The following TAB1 variants were observed in gnomAD, a reference collection of about 807,000 sequenced individuals.
TAB1 encodes TGF-beta-activated kinase 1 and MAP3K7-binding protein 1.
A neutral mutation model predicts 54.5 loss-of-function variants in TAB1; 30 were observed. The ratio of observed to expected loss-of-function variants is 0.55; its 90% CI spans 0.41 to 0.75. The LOEUF is 0.75. Among genes scored for constraint, TAB1 ranks in the 30% least tolerant of loss-of-function variants. TAB1 has a pLI of 0.00. For synonymous variants in TAB1, 289 were observed against 286.9 expected, an observed-to-expected ratio of 1.01 and a Z score of -0.07; for missense variants, 609 against 683.2, an observed-to-expected ratio of 0.89 and a Z score of 1.21.
At chr22:39,403,828 T>C (rs1008006505) in intron 1 of TAB1, among the ~76,000 whole-genome samples, 4 of 151,724 alleles carry the variant, frequency 2.6e-5, no homozygotes, top group African/African-American at 7.3e-5. Context: ...TTTTTTTTAG[T>C]AGAGACGGGG....
chr22:39,404,316 G>T (rs1319991264), intron 1 of TAB1, among the ~76,000 whole-genome samples: 1 of 152,178 alleles, frequency 6.6e-6, no homozygotes, highest in Non-Finnish European at 1.5e-5. Flanking sequence ...AGGCATGGTG[G>T]CTCATGCCTG....
chr22:39,416,067 G>T (rs60181054), intron 3 of TAB1, among the ~76,000 whole-genome samples: 2 of 152,086 alleles, frequency 1.3e-5, no homozygotes, highest in African/African-American at 4.8e-5. Flanking sequence ...AGGGGCCGCC[G>T]CCCTCATTGA....
chr22:39,415,292 T>C lies in TAB1; in HGVS notation c.170+150T>C. 8.8e-7 allele frequency: 1 copy of C among 1,137,922 alleles called. No individual in the cohort carries two copies. The highest frequency in any genetic ancestry group is 1.6e-5 in the African/African-American group (1 of 64,344). The allele number at this position is 1,137,922 out of a possible 1,614,324, so 70.5% of individuals were successfully genotyped here. A position where few individuals can be genotyped will look rare whatever the true frequency, so the allele number is the denominator to read the frequency against. On this transcript the variant is annotated intron_variant, in intron 2 of 10. Transcript: ENST00000216160. The surrounding 1 kb of genome is among the most constrained non-coding windows in gnomAD (Gnocchi z 4.9). ...CTCTGCTGCTGTCTTGCCAAGGGCC[T>C]GCTCTGATGGGGTAGCGTGAGCATG...
intron 10 of TAB1, among the ~76,000 whole-genome samples, chr22:39,428,846 G>T (rs755322816): frequency 6.6e-6 from 1 of 152,268 alleles, no homozygotes; most frequent in African/African-American, 2.4e-5. Flanking sequence ...CTGGAGGGGG[G>T]TGGGCGGCCT....
In TAB1 at chr22:39,409,871, T is replaced by C. The variant is rs922103393; in HGVS notation, c.34-5135T>C. Among the ~76,000 whole-genome samples the C allele has an allele frequency of 2.6e-5, 4 of 152,312 alleles. No individual in the cohort carries two copies. The East Asian group carries it at 7.7e-4, about 29-fold the overall frequency. ...GAAGGGAGGCTTCAAATAAGGAGCC[T>C]CTCTGTTTTCTCTTCTGTGTCCGCA... On this transcript the variant is annotated intron_variant, in intron 1 of 10. Coordinates refer to ENST00000216160, the MANE Select transcript of TAB1 (RefSeq NM_006116.3).
chr22:39,404,912 C>T (rs990398999), intron 1 of TAB1, among the ~76,000 whole-genome samples: 2 of 152,104 alleles, frequency 1.3e-5, no homozygotes, highest in South Asian at 2.1e-4. Context: ...GTGGGTCATC[C>T]GGAAGGTTGG....
intron 1 of TAB1, among the ~76,000 whole-genome samples, chr22:39,404,575 AAAAG>A (rs914737368): frequency 7.9e-5 from 12 of 152,144 alleles, no homozygotes; most frequent in Non-Finnish European, 1.0e-4. Context: ...TAAAAAAAAA[AAAAG>A]AAAGTAAGCT....
intron 1 of TAB1, among the ~76,000 whole-genome samples, chr22:39,400,330 CT>C (rs1569190578): frequency 1.3e-5 from 2 of 152,172 alleles, no homozygotes. Context: ...GGTCGTTTGC[CT>C]AAGGCCACAC....
chr22:39,424,859 G>A (rs1477739773), intron 8 of TAB1, among the ~76,000 whole-genome samples: 2 of 152,040 alleles, frequency 1.3e-5, no homozygotes, highest in African/African-American at 2.4e-5. Flanking sequence ...TGGGGTCCAC[G>A]GAGTTCAGGT....
intron 7 of TAB1, 60 bp downstream of exon 7, chr22:39,419,690 A>G: frequency 1.6e-6 from 2 of 1,218,856 alleles, no homozygotes; most frequent in African/African-American, 1.5e-5. Context: ...AGGGAGGCCA[A>G]GATGGGAGGA....
chr22:39,407,309 T>C (rs1926406552), intron 1 of TAB1, among the ~76,000 whole-genome samples: 2 of 152,184 alleles, frequency 1.3e-5, no homozygotes, highest in South Asian at 2.1e-4. Flanking sequence ...TAGTTTTTCA[T>C]TGATTCTTTA....
intron 8 of TAB1, among the ~76,000 whole-genome samples, chr22:39,424,718 G>A (rs544006034): frequency 1.3e-5 from 2 of 152,196 alleles, no homozygotes; most frequent in East Asian, 3.9e-4. Context: ...AAAGTTCTGG[G>A]ATTATAGACA....
At chr22:39,434,938 G>C (rs149460488), downstream of TAB1, among the ~76,000 whole-genome samples, 95 of 152,274 alleles carry the variant, frequency 6.2e-4, no homozygotes, top group African/African-American at 2.3e-3. Context: ...TCCTACCTCC[G>C]GGTACCTGCT....
Position 39,404,826 on chromosome 22 carries a change from A to G in TAB1, c.33+4991A>G, listed in dbSNP as rs554838285. Among the ~76,000 whole-genome samples the G allele has an allele frequency of 1.2e-4, 18 of 152,310 alleles. No homozygotes were observed. The South Asian group carries it at 2.7e-3, about 23-fold the overall frequency. ...AAGAATGAATGAGGAGCTCTTTAGG[A>G]TGACGACATGGAGAACCTTCAATGA... On this transcript the variant is annotated intron_variant, in intron 1 of 10. Coordinates refer to ENST00000216160, the MANE Select transcript of TAB1 (RefSeq NM_006116.3).
In TAB1 at chr22:39,430,094, C is replaced by T. The variant is rs550097021; in HGVS notation, c.1387C>T (p.Arg463Cys). The T allele has an allele frequency of 1.2e-5, 19 of 1,614,070 alleles. 1 individual carries two copies. The highest frequency in any genetic ancestry group is 5.3e-5 in the African/African-American group (4 of 75,056). The stretch of plus-strand genomic sequence containing the variant: ...CTCCAGCTCTGACGGAGGCCTCTTC[C>T]GCTCCCGGCCCGCCCACTCGCTCCC... ...SSSSSDGGLF[R>C]SRPAHSLPPG... is the part of the protein sequence containing the mutation. The change falls in exon 11 of 11, where the codon CGC becomes TGC. Residue 463 changes from arginine to cysteine, a missense_variant. Arg to Cys is a radical substitution (Grantham distance 180). Coordinates refer to ENST00000216160, the MANE Select transcript of TAB1 (RefSeq NM_006116.3).
chr22:39,417,484 G>A (rs946465970), intron 4 of TAB1, among the ~76,000 whole-genome samples: 1 of 152,186 alleles, frequency 6.6e-6, no homozygotes, highest in African/African-American at 2.4e-5. Flanking sequence ...GCTGGGCGTG[G>A]TGGTGGGCGC....
intron 10 of TAB1, chr22:39,429,481 C>G: frequency 1.5e-6 from 1 of 646,200 alleles, no homozygotes. Context: ...GTTCCATTTT[C>G]TTTCCATTTT....
rs1199808627 is a variant in TAB1, at chr22:39,416,775, T to G, written c.325-16T>G. 6.2e-7 allele frequency: 1 copy of G among 1,613,794 alleles called. No individual in the cohort carries two copies. The highest frequency in any genetic ancestry group is 1.3e-5 in the African/African-American group (1 of 75,048). ...GTGTTTTGAACCAGCCTTTGCCCTG[T>G]CCTGTGTCCCCCTAGGCCTTCGATG... On this transcript the variant is annotated splice_polypyrimidine_tract_variant and intron_variant, in intron 3 of 10. Coordinates refer to ENST00000216160, the MANE Select transcript of TAB1 (RefSeq NM_006116.3).
At chr22:39,419,799 A>G (rs1926991645) in intron 7 of TAB1, among the ~76,000 whole-genome samples, 169 bp downstream of exon 7, 1 of 151,522 alleles carries the variant, frequency 6.6e-6, no homozygotes, top group Non-Finnish European at 1.5e-5. Context: ...AAAAAAAAAA[A>G]GGTCCAGAAG....
Sources: gnomAD v4.1 joint callset for allele counts (sites outside exome capture counted in the v4.1 genomes callset) on GRCh38, gnomAD v4.1.1 for gene constraint, Gnocchi (gnomAD v3.1) non-coding constraint, MANE v1.5 for transcripts, NCBI Gene and HGNC (gene_info 2026-07-23, HGNC 2026-07-21) for gene names.